DDX10: variants seen among roughly 807,000 people sequenced by gnomAD.
The protein encoded by DDX10 is probable ATP-dependent RNA helicase DDX10.
DDX10 carries 74 observed loss-of-function variants against 104.3 expected under a neutral mutation model. The ratio of observed to expected loss-of-function variants is 0.71; its 90% confidence interval spans 0.59 to 0.86. The LOEUF is 0.86. DDX10 is among the 40% of genes least tolerant of loss of function. The probability of loss-of-function intolerance (pLI) is 0.00; values close to 1 mark genes in which losing one functional copy is unlikely to be tolerated. For missense variants in DDX10, 952 were observed against 1,040.0 expected (o/e 0.92, Z 1.16); for synonymous variants, 351 against 353.4 (o/e 0.99, Z 0.08).
chr11:108,734,346 G>A (rs1018399573), intron 13 of DDX10, among the ~76,000 whole-genome samples: 2 of 152,078 alleles, frequency 1.3e-5, no homozygotes, highest in African/African-American at 4.8e-5. Flanking sequence ...TGTCTTATAG[G>A]TGTCTTTTCT....
chr11:108,863,617 T>A (rs1565302307), intron 16 of DDX10, among the ~76,000 whole-genome samples: 1 of 152,228 alleles, frequency 6.6e-6, no homozygotes, highest in Non-Finnish European at 1.5e-5. Flanking sequence ...CTCATTTAAT[T>A]GCTTTTAACA....
intron 13 of DDX10, among the ~76,000 whole-genome samples, chr11:108,758,769 G>C (rs191025611): frequency 7.9e-5 from 12 of 152,058 alleles, no homozygotes; most frequent in African/African-American, 2.9e-4. Flanking sequence ...TGATTACATT[G>C]GACTCATCTG....
intron 13 of DDX10, among the ~76,000 whole-genome samples, chr11:108,818,698 A>C (rs896713278): frequency 2.6e-5 from 4 of 152,236 alleles, no homozygotes; most frequent in Non-Finnish European, 5.9e-5. Context: ...CTTGGAGAAG[A>C]AACAGTCTAG....
At chr11:108,933,874 A>C (rs932716269) in intron 17 of DDX10, among the ~76,000 whole-genome samples, 1 of 152,240 alleles carries the variant, frequency 6.6e-6, no homozygotes, top group Non-Finnish European at 1.5e-5. Context: ...AACAGTACAG[A>C]AGCTCAGCCC....
Position 108,779,338 on chromosome 11 carries a change from T to C in DDX10, c.1965+55876T>C, listed in dbSNP as rs1591816132. 3.3e-5 allele frequency among the ~76,000 whole-genome samples: 5 copies of C among 152,262 alleles called. No individual in the cohort carries two copies. In the South Asian group the frequency reaches 1.0e-3, roughly 32 times the overall value. On this transcript the variant is annotated intron_variant, in intron 13 of 17. Transcript: ENST00000322536. Reference sequence around the variant, plus strand: ...TTAAGAAAATGTGGCACATATACCCTATGGAATACTATGCAGCCATAAAAA... The same window carrying C: ...TTAAGAAAATGTGGCACATATACCCCATGGAATACTATGCAGCCATAAAAA...
chr11:108,885,667 G>C (rs554997449), intron 16 of DDX10, among the ~76,000 whole-genome samples: 3 of 152,012 alleles, frequency 2.0e-5, no homozygotes, highest in East Asian at 3.9e-4. Flanking sequence ...GAGCCACTGC[G>C]TCCGGCCCAT....
At chr11:108,904,055 A>C (rs1863555730) in intron 16 of DDX10, among the ~76,000 whole-genome samples, 1 of 152,002 alleles carries the variant, frequency 6.6e-6, no homozygotes. Context: ...ACTGTCCTTG[A>C]GTCATTGGTA....
intron 16 of DDX10, among the ~76,000 whole-genome samples, chr11:108,872,149 A>G (rs995627819): frequency 1.3e-5 from 2 of 152,204 alleles, no homozygotes; most frequent in Admixed American, 1.3e-4. Context: ...TTTTAAACTC[A>G]TCTTCTCAGT....
chr11:108,888,079 T>G (rs1398470708), intron 16 of DDX10, among the ~76,000 whole-genome samples: 1 of 152,140 alleles, frequency 6.6e-6, no homozygotes, highest in East Asian at 1.9e-4. Flanking sequence ...TTTTTTAGGT[T>G]AGATGATTCA....
chr11:108,672,740 C>T (rs933974940), intron 1 of DDX10, among the ~76,000 whole-genome samples: 2 of 152,200 alleles, frequency 1.3e-5, no homozygotes, highest in African/African-American at 2.4e-5. Flanking sequence ...GTAGTTCCTG[C>T]CTTCAGCATC....
At chr11:108,766,510 C>T (rs2094356530) in intron 13 of DDX10, among the ~76,000 whole-genome samples, 3 of 152,102 alleles carry the variant, frequency 2.0e-5, no homozygotes, top group Admixed American at 6.6e-5. Context: ...GACTATTAAA[C>T]ATATATAGAA....
intron 13 of DDX10, among the ~76,000 whole-genome samples, chr11:108,793,053 A>T (rs899895103): frequency 1.3e-5 from 2 of 152,216 alleles, no homozygotes; most frequent in East Asian, 1.9e-4. Context: ...AAAGGATGCA[A>T]TACAGCAACA....
chr11:108,754,841 A>AT (rs1565268599), intron 13 of DDX10, among the ~76,000 whole-genome samples: 1 of 152,084 alleles, frequency 6.6e-6, no homozygotes, highest in Non-Finnish European at 1.5e-5. Flanking sequence ...AACCAGGAGC[A>AT]TAACAGTTAA....
intron 13 of DDX10, among the ~76,000 whole-genome samples, chr11:108,743,470 A>G (rs1164083852): frequency 6.6e-6 from 1 of 152,196 alleles, no homozygotes; most frequent in East Asian, 1.9e-4. Context: ...GGAATAAGAC[A>G]AGGATGCCCT....
intron 13 of DDX10, among the ~76,000 whole-genome samples, chr11:108,808,548 C>G (rs144724700): frequency 6.6e-6 from 1 of 152,004 alleles, no homozygotes; most frequent in African/African-American, 2.4e-5. Flanking sequence ...AATTTCCTGT[C>G]GTGGGAGTAT....
intron 13 of DDX10, among the ~76,000 whole-genome samples, chr11:108,770,983 C>T (rs994373629): frequency 6.6e-6 from 1 of 152,090 alleles, no homozygotes; most frequent in African/African-American, 2.4e-5. Context: ...TATGAGGGTT[C>T]CCTTTTCTCC....
chr11:108,895,172 A>T (rs1376330918), intron 16 of DDX10, among the ~76,000 whole-genome samples: 1 of 152,044 alleles, frequency 6.6e-6, no homozygotes, highest in Non-Finnish European at 1.5e-5. Flanking sequence ...GGACAGTAAA[A>T]TTAACTCCGT....
At chr11:108,733,625 T>C (rs1416811494) in intron 13 of DDX10, among the ~76,000 whole-genome samples, 1 of 152,158 alleles carries the variant, frequency 6.6e-6, no homozygotes, top group Non-Finnish European at 1.5e-5. Context: ...CCCCTCTGAC[T>C]TGCCTCGGTA....
At chr11:108,827,202 G>A (rs1862407181) in intron 13 of DDX10, among the ~76,000 whole-genome samples, 1 of 152,126 alleles carries the variant, frequency 6.6e-6, no homozygotes, top group Non-Finnish European at 1.5e-5. Context: ...AATCATTATT[G>A]AATATTTCCT....
Sources: allele counts gnomAD v4.1 joint callset (sites outside exome capture counted in the v4.1 genomes callset), GRCh38; gene constraint gnomAD v4.1.1; transcripts MANE v1.5; gene names NCBI Gene and HGNC (gene_info 2026-07-23, HGNC 2026-07-21).